TRIM5: variants seen among roughly 807,000 people sequenced by gnomAD.
TRIM5 encodes tripartite motif-containing protein 5.
TRIM5 carries 31 observed loss-of-function variants against 35.6 expected under a neutral mutation model. That is an observed-to-expected ratio of 0.87 (90% CI 0.65 to 1.18). The LOEUF is 1.18. Ranked by LOEUF, TRIM5 falls within the 50% of genes most tolerant of loss-of-function variation. The pLI is 0.00. For missense variants in TRIM5, 609 were observed against 591.6 expected, an observed-to-expected ratio of 1.03 and a Z score of -0.31; for synonymous variants, 243 against 215.6, an observed-to-expected ratio of 1.13 and a Z score of -1.11.
At chr11:5,597,129 A>G in the TRIM5 span, among the ~76,000 whole-genome samples, 1 of 152,234 alleles carries the variant, frequency 6.6e-6, no homozygotes. Context: ...TGCCGCAGCC[A>G]GACTGCATGT....
chr11:5,664,982 G>C lies in TRIM5; in HGVS notation c.1309C>G (p.Arg437Gly). 1 of 1,614,076 alleles carries C rather than the reference G, an allele frequency of 6.2e-7. No individual in the cohort carries two copies. Among genetic ancestry groups the C allele is most frequent in the South Asian group, 1.1e-5 (1 of 91,072 alleles). ...VPLSVIICPDRVGVFLDYEAC... is the reference protein window; with the variant it reads ...VPLSVIICPDGVGVFLDYEAC... ...TCATAGTCTAGGAAAACTCCAACAC[G>C]ATCAGGACAAATAATCACAGAGAGG... is the stretch of plus-strand genomic sequence containing the variant. The change falls in exon 8 of 8, where the codon CGT (arginine) becomes GGT (glycine). Residue 437 changes from arginine to glycine, a missense_variant. Physicochemically the swap from Arg to Gly is moderately radical, Grantham distance 125 (BLOSUM62 -2). Transcript: ENST00000380034.
chr11:5,678,572 CT>C (rs1564922817), intron 3 of TRIM5, 138 bp from the exon 4 acceptor site: 1 of 602,004 alleles, frequency 1.7e-6, no homozygotes. Flanking sequence ...GGAAAGCTGC[CT>C]TTTCCTATTT....
chr11:5,625,188 C>G, the TRIM5 span: 8 of 152,214 alleles, frequency 5.3e-5, no homozygotes, highest in African/African-American at 1.7e-4. Flanking sequence ...GGCTAGCTTG[C>G]AGGCTTCCTG....
the TRIM5 span, among the ~76,000 whole-genome samples, chr11:5,625,954 A>T: frequency 6.6e-6 from 1 of 152,252 alleles, no homozygotes; most frequent in Non-Finnish European, 1.5e-5. Context: ...TCTTCTTGTT[A>T]AGAATTTGAT....
the TRIM5 span, among the ~76,000 whole-genome samples, chr11:5,657,031 A>C: frequency 6.6e-6 from 1 of 152,212 alleles, no homozygotes; most frequent in South Asian, 2.1e-4. Context: ...TTGCAGCACT[A>C]TTCACAATAG....
chr11:5,623,739 A>G, the TRIM5 span, among the ~76,000 whole-genome samples: 1 of 151,842 alleles, frequency 6.6e-6, no homozygotes, highest in Non-Finnish European at 1.5e-5. Flanking sequence ...ATAGTAATTG[A>G]CTCCCTTAAA....
the TRIM5 span, among the ~76,000 whole-genome samples, chr11:5,606,482 T>C: frequency 6.6e-6 from 1 of 152,190 alleles, no homozygotes; most frequent in African/African-American, 2.4e-5. Flanking sequence ...TCTTCGTGCT[T>C]TCCTCTTGCT....
intron 6 of TRIM5, 76 bp downstream of exon 6, chr11:5,665,905 C>T: frequency 7.0e-7 from 1 of 1,434,568 alleles, no homozygotes; most frequent in Non-Finnish European, 9.5e-7. Flanking sequence ...TATTTGGAAA[C>T]TGCACCCTCT....
chr11:5,618,574 A>G, the TRIM5 span, among the ~76,000 whole-genome samples: 3 of 152,256 alleles, frequency 2.0e-5, no homozygotes, highest in East Asian at 5.8e-4. Context: ...AAATCATTTC[A>G]TATGCAAATT....
Position 5,663,381 on chromosome 11 carries a change from T to C in TRIM5, c.*1428A>G, listed in dbSNP as rs1216794075. 1 of 972,822 alleles carries C rather than the reference T, an allele frequency of 1.0e-6. No individual in the cohort carries two copies. The highest frequency in any genetic ancestry group is 1.2e-6 in the Non-Finnish European group (1 of 818,538). 60.3% of individuals were successfully genotyped at this position (972,822 alleles called of 1,614,324 possible). On this transcript the variant is annotated 3_prime_UTR_variant, in exon 8 of 8. Transcript: ENST00000380034. ...ATCCTAAATATATGTGTGTATTATATATAGAAGGCAGAATTGAAGTCATTT... is the reference window on the plus strand; with the variant it reads ...ATCCTAAATATATGTGTGTATTATACATAGAAGGCAGAATTGAAGTCATTT...
At chr11:5,638,742 T>C in the TRIM5 span, among the ~76,000 whole-genome samples, 1 of 152,250 alleles carries the variant, frequency 6.6e-6, no homozygotes, top group African/African-American at 2.4e-5. Context: ...TGCCGTTTTT[T>C]CTTCTTTGTG....
intron 3 of TRIM5, among the ~76,000 whole-genome samples, chr11:5,678,656 T>C (rs1301269750): frequency 6.6e-6 from 1 of 152,120 alleles, no homozygotes; most frequent in African/African-American, 2.4e-5. Context: ...TCAAAATGGG[T>C]TACCTGGATG....
At chr11:5,642,765 G>A in the TRIM5 span, 1 of 1,611,344 alleles carries the variant, frequency 6.2e-7, no homozygotes, top group African/African-American at 1.3e-5. Flanking sequence ...ATAGGTATCA[G>A]TGCTTACTCC....
At chr11:5,597,420 T>C in the TRIM5 span, among the ~76,000 whole-genome samples, 1 of 152,194 alleles carries the variant, frequency 6.6e-6, no homozygotes, top group Non-Finnish European at 1.5e-5. Flanking sequence ...TAGAAATTCT[T>C]TTGAAGTGGA....
At chr11:5,627,871 G>A in the TRIM5 span, among the ~76,000 whole-genome samples, 1,037 of 152,302 alleles carry the variant, frequency 6.8e-3, 12 homozygotes, top group Non-Finnish European at 9.5e-3. Context: ...CACTCGTAGA[G>A]ACACTCTAAT....
At chr11:5,604,082 G>A in the TRIM5 span, among the ~76,000 whole-genome samples, 4 of 152,036 alleles carry the variant, frequency 2.6e-5, no homozygotes, top group East Asian at 1.9e-4. Flanking sequence ...TGCAACCTCC[G>A]CCTCCCGGGT....
At chr11:5,673,789 A>G (rs532036984) in intron 4 of TRIM5, among the ~76,000 whole-genome samples, 4 of 152,318 alleles carry the variant, frequency 2.6e-5, no homozygotes, top group Admixed American at 6.5e-5. Context: ...TCAATGCTTT[A>G]AAATTAAACA....
In TRIM5 at chr11:5,665,327, A is replaced by G. The variant is rs749810281; in HGVS notation, c.964T>C (p.Ser322Pro). Residue 322 changes from serine (S) to proline (P), a missense_variant, in exon 8 of 8, where the codon TCT becomes CCT. Physicochemically the swap from Ser to Pro is moderately conservative, Grantham distance 74. Coordinates refer to ENST00000380034, the MANE Select transcript of TRIM5 (RefSeq NM_033034.3). ...CCATATATTATCTGTGGTTTCGGAG[A>G]GCTCACTTGTCTCTTATCTTCAGAA... is the stretch of plus-strand genomic sequence containing the variant. ...VISEDKRQVS[S>P]PKPQIIYGAR... The G allele has an allele frequency of 1.2e-6, 2 of 1,613,988 alleles. No individual in the cohort carries two copies. The highest frequency in any genetic ancestry group is 1.7e-4 in the Middle Eastern group (1 of 6,060).
chr11:5,657,335 C>T, the TRIM5 span, among the ~76,000 whole-genome samples: 1 of 151,054 alleles, frequency 6.6e-6, no homozygotes, highest in African/African-American at 2.4e-5. Flanking sequence ...GGGAAGGGAT[C>T]GCATTAGGAT....
Sources: gnomAD v4.1 joint callset for allele counts (sites outside exome capture counted in the v4.1 genomes callset) on GRCh38, gnomAD v4.1.1 for gene constraint, MANE v1.5 for transcripts, NCBI Gene and HGNC (gene_info 2026-07-23, HGNC 2026-07-21) for gene names.